VWA5B2: variants seen among roughly 807,000 people sequenced by gnomAD.
VWA5B2 encodes von Willebrand factor A domain containing 5B2, also known as von Willebrand factor A domain-containing protein 5B2.
In VWA5B2, 93 loss-of-function variants were observed where a neutral mutation model predicts 118.5. That is an observed-to-expected ratio of 0.79 (90% CI 0.66 to 0.93). The LOEUF (loss-of-function observed/expected upper bound fraction) is 0.93, where lower values mean the gene tolerates loss of function less well. Ranked by LOEUF, VWA5B2 falls within the 40% of genes least tolerant of loss-of-function variation. The probability of loss-of-function intolerance (pLI) is 0.00; values close to 1 mark genes in which losing one functional copy is unlikely to be tolerated. For synonymous variants in VWA5B2, 708 were observed against 716.3 expected, an observed-to-expected ratio of 0.99 and a Z score of 0.19; for missense variants, 1,546 against 1,672.8, an observed-to-expected ratio of 0.92 and a Z score of 1.32.
rs1056086478 is a variant in VWA5B2 at position 184,238,881 on chromosome 3, C to T, written c.2202+8C>T. 2.0e-6 allele frequency: 3 copies of T among 1,481,036 alleles called. No homozygotes were observed. The African/African-American group carries it at 4.2e-5, about 21-fold the overall frequency. The allele number at this position is 1,481,036 out of a possible 1,614,324, so 91.7% of individuals were successfully genotyped here. ...ACACCAGCTCCATTCAAGGTGAGAT[C>T]CAACCCACATTCATTCGCCTTGTAT... is the stretch of plus-strand genomic sequence containing the variant. On this transcript the variant is annotated splice_region_variant and intron_variant, in intron 14 of 19. Transcript: ENST00000691901. The surrounding 1 kb of genome is among the most constrained non-coding windows in gnomAD (Gnocchi z 5.0).
intron 8 of VWA5B2, among the ~76,000 whole-genome samples, chr3:184,235,522 T>G (rs1469867307): frequency 6.6e-6 from 1 of 152,196 alleles, no homozygotes; most frequent in East Asian, 1.9e-4. Context: ...CTTGCTCATA[T>G]TCACGCACAC....
Position 184,238,245 on chromosome 3 carries a change from T to G in VWA5B2, c.1720-58T>G. 7.1e-7 allele frequency: 1 copy of G among 1,403,176 alleles called. No individual in the cohort carries two copies. Among genetic ancestry groups the G allele is most frequent in the Non-Finnish European group, 9.4e-7 (1 of 1,058,230 alleles). 86.9% of individuals were successfully genotyped at this position (1,403,176 alleles called of 1,614,324 possible). On this transcript the variant is annotated intron_variant, in intron 12 of 19. Coordinates refer to ENST00000691901, the MANE Select transcript of VWA5B2 (RefSeq NM_001390846.1). The surrounding 1 kb of genome is among the most constrained non-coding windows in gnomAD (Gnocchi z 5.0). ...CTTGCTGTGAGCCATCTAAAAATGTTTGGAAAGAGGTAGCACATAACTGCA... is the reference window on the plus strand; with the variant it reads ...CTTGCTGTGAGCCATCTAAAAATGTGTGGAAAGAGGTAGCACATAACTGCA...
At position 184,237,858 on chromosome 3, in the gene VWA5B2, C is replaced by T. The variant is rs1448368849; in HGVS notation, c.1720-445C>T. Among the ~76,000 whole-genome samples, 1 of 152,180 alleles carries T rather than the reference C, an allele frequency of 6.6e-6. No individual in the cohort carries two copies. Among genetic ancestry groups the T allele is most frequent in the Non-Finnish European group, 1.5e-5 (1 of 68,040 alleles). ...TCACTTACCAGCCATTTGATTTGAGCAAGTCACTTCACCTCACTGACCCAT... is the reference window on the plus strand; with the variant it reads ...TCACTTACCAGCCATTTGATTTGAGTAAGTCACTTCACCTCACTGACCCAT... On this transcript the variant is annotated intron_variant, in intron 12 of 19. Transcript: ENST00000691901. The surrounding 1 kb of genome is among the most constrained non-coding windows in gnomAD (Gnocchi z 5.6).
At chr3:184,230,995 C>A (rs1045324111) in intron 3 of VWA5B2, 78 bp downstream of exon 3, 6 of 1,199,556 alleles carry the variant, frequency 5.0e-6, no homozygotes, top group Non-Finnish European at 6.2e-6. Context: ...GGCCTCCGCC[C>A]GTCCCCCGCC....
intron 11 of VWA5B2, 64 bp downstream of exon 11, chr3:184,236,813 G>C: frequency 7.4e-7 from 1 of 1,357,430 alleles, no homozygotes. Context: ...TACACATCAA[G>C]TCTGAAACAG....
rs553631059 is a variant in VWA5B2, at chr3:184,235,283, T to G, written c.1076T>G (p.Leu359Trp). The change falls in exon 8 of 20, where the codon TTG becomes TGG. Residue 359 changes from leucine to tryptophan, a missense_variant. Coordinates refer to ENST00000691901, the MANE Select transcript of VWA5B2 (RefSeq NM_001390846.1). ...GCTACTCGGGAGCTACTCTTCCTTTTGGATAGCAGCAGCGTGGCACACAAG... is the reference window on the plus strand; with the variant it reads ...GCTACTCGGGAGCTACTCTTCCTTTGGGATAGCAGCAGCGTGGCACACAAG... Reference protein sequence around the residue: ...GTATRELLFLLDSSSVAHKDA... With the variant: ...GTATRELLFLWDSSSVAHKDA... The G allele has an allele frequency of 4.6e-5, 72 of 1,551,384 alleles. 1 individual carries two copies. The South Asian group carries it at 8.6e-4, about 18-fold the overall frequency.
Position 184,236,253 on chromosome 3 carries a change from T to C in VWA5B2, c.1203T>C (p.Pro401=), listed in dbSNP as rs1339792938. 1.3e-6 allele frequency: 2 copies of C among 1,551,780 alleles called. No individual in the cohort carries two copies. The highest frequency in any genetic ancestry group is 1.7e-6 in the Non-Finnish European group (2 of 1,146,990). ...AGCCACTCTTCCCAGAGAGCCGGCC[T>C]TGCAGTGATGTGAGTGTGGTCCAGG... The part of the protein sequence containing the change: ...LVQPLFPESR[P]CSDDAVQLIC... Residue 401 remains proline, a synonymous_variant, in exon 9 of 20, where the codon CCT becomes CCC. Coordinates refer to ENST00000691901, the MANE Select transcript of VWA5B2 (RefSeq NM_001390846.1).
In VWA5B2 at chr3:184,230,905, C is replaced by A; in HGVS notation, c.298C>A (p.Arg100Ser). The A allele has an allele frequency of 8.2e-7, 1 of 1,220,050 alleles. No homozygotes were observed. The highest frequency in any genetic ancestry group is 1.0e-6 in the Non-Finnish European group (1 of 980,844). The allele number at this position is 1,220,050 out of a possible 1,614,324, so 75.6% of individuals were successfully genotyped here. A position where few individuals can be genotyped will look rare whatever the true frequency, so the allele number is the denominator to read the frequency against. ...GGGGCTGGGGACCCCGACGCCCCGC[C>A]GCTGCGCGCAGGGTGAGTTCCGCGC... Reference protein sequence around the residue: ...GPGLGTPTPRRCAQGHLVLDL... With the variant: ...GPGLGTPTPRSCAQGHLVLDL... The change falls in exon 3 of 20, where the codon CGC becomes AGC. Residue 100 changes from arginine to serine, a missense_variant. Transcript: ENST00000691901.
chr3:184,242,017 C>G lies in VWA5B2; in HGVS notation c.3708C>G (p.Cys1236Trp). ...WDQNLQLHLL[C>W]YSPANV ...AAAACCTGCAGCTACACCTGCTGTG[C>G]TACAGCCCAGCGAACGTGTGAAGGC... The change falls in exon 20 of 20, where the codon TGC becomes TGG. Residue 1236 changes from cysteine (C) to tryptophan (W), a missense_variant. Coordinates refer to ENST00000691901, the MANE Select transcript of VWA5B2 (RefSeq NM_001390846.1). The G allele has an allele frequency of 6.5e-7, 1 of 1,550,042 alleles. No individual in the cohort carries two copies. Among genetic ancestry groups the G allele is most frequent in the Non-Finnish European group, 8.7e-7 (1 of 1,146,910 alleles).
chr3:184,237,789 G>A lies in VWA5B2; in HGVS notation c.1719+378G>A, dbSNP rs1718158825. ...CAGCGTATTTTCTGGGACACGCAGT[G>A]ATGGATGAGCATAACCTAGGCACAA... On this transcript the variant is annotated intron_variant, in intron 12 of 19. Transcript: ENST00000691901. This position sits in a 1 kb window ranked among gnomAD's most constrained non-coding sequence, Gnocchi z 5.6. 6.6e-6 allele frequency among the ~76,000 whole-genome samples: 1 copy of A among 152,238 alleles called. No homozygotes were observed. The highest frequency in any genetic ancestry group is 2.1e-4 in the South Asian group (1 of 4,830).
chr3:184,231,187 A>G (rs1158329988), intron 3 of VWA5B2, among the ~76,000 whole-genome samples: 3 of 152,088 alleles, frequency 2.0e-5, no homozygotes, highest in Non-Finnish European at 4.4e-5. Flanking sequence ...AGCCCAGGAG[A>G]CCGGTCTCTC....
In VWA5B2 at chr3:184,241,704, C is replaced by T. The variant is rs1239045501; in HGVS notation, c.3395C>T (p.Ser1132Leu). ...GCCTCCTGCAGCCCGTCCCCCAGCT[C>T]GGGCTCTGAGGGGCCAGGCCAGGTG... ...ATASCSPSPS[S>L]GSEGPGQVDS... Residue 1132 changes from serine to leucine, a missense_variant, in exon 20 of 20, where the codon TCG becomes TTG. Ser to Leu is a moderately radical substitution (Grantham distance 145). Around this residue, in one of 3 missense-constraint regions of VWA5B2, gnomAD observed 763 missense variants for 766.6 expected, o/e 1.00. Coordinates refer to ENST00000691901, the MANE Select transcript of VWA5B2 (RefSeq NM_001390846.1). This position sits in a 1 kb window ranked among gnomAD's most constrained non-coding sequence, Gnocchi z 5.1. 1 of 1,511,684 alleles carries T rather than the reference C, an allele frequency of 6.6e-7. No homozygotes were observed. The highest frequency in any genetic ancestry group is 8.8e-7 in the Non-Finnish European group (1 of 1,131,768). 93.6% of individuals were successfully genotyped at this position (1,511,684 alleles called of 1,614,324 possible). A position where few individuals can be genotyped will look rare whatever the true frequency, so the allele number is the denominator to read the frequency against.
At chr3:184,231,349 C>G (rs2108416297) in intron 3 of VWA5B2, among the ~76,000 whole-genome samples, 1 of 152,358 alleles carries the variant, frequency 6.6e-6, no homozygotes, top group South Asian at 2.1e-4. Context: ...TCACCCCATT[C>G]CATCCCTCTC....
At position 184,234,695 on chromosome 3, in the gene VWA5B2, G is replaced by C; in HGVS notation, c.885G>C (p.Arg295=). ...GSLSSAEYEA[R]VRARRDFQRL... is the part of the protein sequence containing the mutation. ...TGAGCTCAGCAGAATATGAGGCCCG[G>C]GTGAGGGCCCGCCGAGATTTTCAGA... The change falls in exon 7 of 20, where the codon CGG becomes CGC. Residue 295 remains arginine (R), a synonymous_variant. Transcript: ENST00000691901. 6.4e-7 allele frequency: 1 copy of C among 1,551,386 alleles called. No homozygotes were observed. The highest frequency in any genetic ancestry group is 8.7e-7 in the Non-Finnish European group (1 of 1,146,998).
At chr3:184,240,548 G>A (rs1423695569) in intron 16 of VWA5B2, 3 of 559,540 alleles carry the variant, frequency 5.4e-6, no homozygotes, top group Admixed American at 6.3e-5. Context: ...TCCTCTGGGT[G>A]TTGTCCAGAG....
chr3:184,235,397 G>T, intron 8 of VWA5B2, 89 bp downstream of exon 8: 1 of 1,409,430 alleles, frequency 7.1e-7, no homozygotes, highest in Non-Finnish European at 9.6e-7. Flanking sequence ...GAAGCCAGGA[G>T]TTACCTTGTT....
Position 184,240,786 on chromosome 3 carries a change from C to T in VWA5B2, c.2741-5C>T. On this transcript the variant is annotated splice_region_variant and splice_polypyrimidine_tract_variant and intron_variant, in intron 16 of 19. Coordinates refer to ENST00000691901, the MANE Select transcript of VWA5B2 (RefSeq NM_001390846.1). ...GGCTCCACAGACTGCTCCTTGGTTC[C>T]ACAGGCCATGCCCGGAGGTGCTGGC... 1.3e-6 allele frequency: 2 copies of T among 1,550,346 alleles called. No homozygotes were observed. The highest frequency in any genetic ancestry group is 1.7e-6 in the Non-Finnish European group (2 of 1,146,874).
chr3:184,233,344 G>A lies in VWA5B2; in HGVS notation c.477G>A (p.Leu159=), dbSNP rs1717591662. The change falls in exon 4 of 20, where the codon CTG becomes CTA. Residue 159 remains leucine, a synonymous_variant. Transcript: ENST00000691901. This position sits in a 1 kb window ranked among gnomAD's most constrained non-coding sequence, Gnocchi z 5.2. ...CCCTGCCCACTGTGCTCACCCCGCT[G>A]GCCCCGCCAGGCCCGCCGGGGCCCC... ...HVALPTVLTP[L]APPGPPGPPR... is the part of the protein sequence containing the mutation. 6.5e-7 allele frequency: 1 copy of A among 1,536,510 alleles called. No homozygotes were observed. The highest frequency in any genetic ancestry group is 8.8e-7 in the Non-Finnish European group (1 of 1,140,838).
chr3:184,241,655 G>A lies in VWA5B2; in HGVS notation c.3346G>A (p.Val1116Ile). 2 of 1,535,896 alleles carry A rather than the reference G, an allele frequency of 1.3e-6. No homozygotes were observed. The highest frequency in any genetic ancestry group is 1.7e-6 in the Non-Finnish European group (2 of 1,144,388). ...SLPWALLGPG[V>I]GQGDSATASC... ...GCCCTGGGCACTTCTGGGCCCTGGTGTTGGCCAGGGTGACAGTGCCACGGC... is the reference window on the plus strand; with the variant it reads ...GCCCTGGGCACTTCTGGGCCCTGGTATTGGCCAGGGTGACAGTGCCACGGC... Residue 1116 changes from valine to isoleucine, a missense_variant, in exon 20 of 20, where the codon GTT (valine) becomes ATT (isoleucine). Around this residue, in one of 3 missense-constraint regions of VWA5B2, gnomAD observed 763 missense variants for 766.6 expected, o/e 1.00. Transcript: ENST00000691901. This position sits in a 1 kb window ranked among gnomAD's most constrained non-coding sequence, Gnocchi z 5.1.
Sources: gnomAD v4.1 joint callset for allele counts (sites outside exome capture counted in the v4.1 genomes callset) on GRCh38, gnomAD v4.1.1 for gene constraint, gnomAD v4.1.1 regional missense constraint, Gnocchi (gnomAD v3.1) non-coding constraint, MANE v1.5 for transcripts, NCBI Gene and HGNC (gene_info 2026-07-23, HGNC 2026-07-21) for gene names.